Variants in RBFOX1 observed in about 807,000 individuals in gnomAD.
RBFOX1 encodes the protein RNA binding protein fox-1 homolog 1.
In RBFOX1, 8 loss-of-function variants were observed where a neutral mutation model predicts 57.7. The ratio of observed to expected loss-of-function variants is 0.14; its 90% CI spans 0.08 to 0.25. RBFOX1 has a LOEUF of 0.25. RBFOX1 is among the 10% of genes least tolerant of loss of function. RBFOX1 has a pLI of 1.00. For synonymous variants in RBFOX1, 326 were observed against 222.4 expected (o/e 1.47, Z -4.15); for missense variants, 611 against 548.5 (o/e 1.11, Z -1.14).
At chr16:7,507,028 G>T (rs1185606857) in intron 4 of RBFOX1, among the ~76,000 whole-genome samples, 2 of 152,126 alleles carry the variant, frequency 1.3e-5, no homozygotes, top group Non-Finnish European at 2.9e-5. Flanking sequence ...TCACTGTGAA[G>T]AATAATATAT....
intron 2 of RBFOX1, among the ~76,000 whole-genome samples, chr16:5,590,755 G>T (rs1047448086): frequency 1.2e-4 from 18 of 152,216 alleles, no homozygotes; most frequent in Admixed American, 1.3e-4. Flanking sequence ...ACACAGATCA[G>T]TGGGATTTGC....
In RBFOX1 at chr16:7,611,259, C is replaced by A. The variant is rs1400568041; in HGVS notation, c.676+3921C>A. ...AATTTTCTTAGTTTAGTAGACTTGT[C>A]CCTAACATTTATTTTCTCTTTTAAT... On this transcript the variant is annotated intron_variant, in intron 10 of 15. Coordinates refer to ENST00000550418, the MANE Select transcript of RBFOX1 (RefSeq NM_018723.4). 2.6e-5 allele frequency among the ~76,000 whole-genome samples: 4 copies of A among 152,134 alleles called. No individual in the cohort carries two copies. The South Asian group carries it at 8.3e-4, about 32-fold the overall frequency.
At chr16:5,900,395 A>C (rs1009120139) in intron 4 of RBFOX1, among the ~76,000 whole-genome samples, 1 of 152,168 alleles carries the variant, frequency 6.6e-6, no homozygotes, top group African/African-American at 2.4e-5. Context: ...TGCCAAAAGG[A>C]AGGGGGAAAA....
chr16:7,527,800 C>G (rs777368325), intron 5 of RBFOX1, among the ~76,000 whole-genome samples: 1 of 152,132 alleles, frequency 6.6e-6, no homozygotes, highest in Non-Finnish European at 1.5e-5. Context: ...GAAATAATTA[C>G]AGTACCCATA....
intron 3 of RBFOX1, among the ~76,000 whole-genome samples, chr16:6,892,775 CCTCT>C (rs750285832): frequency 0.038 from 3,152 of 83,674 alleles, 51 homozygotes; most frequent in Non-Finnish European, 0.051. Flanking sequence ...TCCCTGTCTC[CCTCT>C]CTCTCTCTCT....
At chr16:5,457,883 A>G (rs758831029) in intron 1 of RBFOX1, among the ~76,000 whole-genome samples, 3 of 152,172 alleles carry the variant, frequency 2.0e-5, no homozygotes, top group Non-Finnish European at 4.4e-5. Flanking sequence ...TGCCCTACAC[A>G]TAACATGCCC....
At chr16:7,059,798 C>T (rs1216789372) in intron 4 of RBFOX1, among the ~76,000 whole-genome samples, 3 of 151,986 alleles carry the variant, frequency 2.0e-5, no homozygotes, top group African/African-American at 4.8e-5. Context: ...TGTATTTGTT[C>T]CCAGGGCTGC....
At chr16:6,297,208 A>T (rs140292512) in intron 1 of RBFOX1, among the ~76,000 whole-genome samples, 29 of 152,172 alleles carry the variant, frequency 1.9e-4, no homozygotes, top group African/African-American at 6.7e-4. Flanking sequence ...TTTATCAGCA[A>T]GATCTTTATG....
chr16:5,623,695 T>C (rs1446460127), intron 3 of RBFOX1, among the ~76,000 whole-genome samples: 1 of 152,126 alleles, frequency 6.6e-6, no homozygotes, highest in Admixed American at 6.6e-5. Context: ...TCCTTCCCTT[T>C]TTCTCTCTCA....
At chr16:5,674,570 G>T (rs2151423653) in intron 3 of RBFOX1, among the ~76,000 whole-genome samples, 1 of 152,314 alleles carries the variant, frequency 6.6e-6, no homozygotes, top group South Asian at 2.1e-4. Flanking sequence ...CAGAGCCCAG[G>T]TTCTGTTTGT....
chr16:6,547,503 T>G lies in RBFOX1; in HGVS notation c.-63-107100T>G, dbSNP rs146571800. ...ATTGCTGATAACAGAACAGACAAAT[T>G]GTGGTTCTTTTTTTTGTTGTTGTTG... On this transcript the variant is annotated intron_variant, in intron 2 of 15. Coordinates refer to ENST00000550418, the MANE Select transcript of RBFOX1 (RefSeq NM_018723.4). Among the ~76,000 whole-genome samples the G allele has an allele frequency of 3.2e-4, 49 of 152,276 alleles. 1 individual carries two copies. The East Asian group carries it at 9.1e-3, about 28-fold the overall frequency.
At chr16:6,611,495 T>A (rs188665375) in intron 2 of RBFOX1, among the ~76,000 whole-genome samples, 1 of 152,264 alleles carries the variant, frequency 6.6e-6, no homozygotes, top group East Asian at 1.9e-4. Flanking sequence ...CGGAGAGGTC[T>A]CCTTGGATGC....
At chr16:6,979,565 GAGAT>G (rs1192015984) in intron 3 of RBFOX1, among the ~76,000 whole-genome samples, 20 of 152,286 alleles carry the variant, frequency 1.3e-4, no homozygotes, top group African/African-American at 4.6e-4. Flanking sequence ...TGCAAAAGAA[GAGAT>G]AGCAGGATTG....
intron 2 of RBFOX1, among the ~76,000 whole-genome samples, chr16:6,475,392 G>A (rs1403685816): frequency 6.6e-6 from 1 of 152,196 alleles, no homozygotes; most frequent in Non-Finnish European, 1.5e-5. Context: ...TTGCTTAAAG[G>A]AAGTCTGCTA....
At chr16:6,675,617 T>C (rs553405493) in intron 3 of RBFOX1, among the ~76,000 whole-genome samples, 1 of 152,276 alleles carries the variant, frequency 6.6e-6, no homozygotes, top group African/African-American at 2.4e-5. Flanking sequence ...AAAAAGAGCT[T>C]TAATAGACTC....
intron 5 of RBFOX1, among the ~76,000 whole-genome samples, chr16:7,548,140 T>A (rs1447301930): frequency 6.6e-6 from 1 of 152,176 alleles, no homozygotes; most frequent in Non-Finnish European, 1.5e-5. Context: ...GAGGAGTTAT[T>A]CACGTCATAT....
intron 4 of RBFOX1, among the ~76,000 whole-genome samples, chr16:7,464,661 G>A (rs917265885): frequency 3.0e-4 from 41 of 136,586 alleles, no homozygotes; most frequent in Non-Finnish European, 5.6e-4. Context: ...CCCCCTCCCC[G>A]CCCGAAATAC....
intron 2 of RBFOX1, among the ~76,000 whole-genome samples, chr16:6,613,018 TGTGTGTGTGTGTGTGTGTGTGTGTGA>T (rs2098088061): frequency 6.7e-6 from 1 of 148,412 alleles, no homozygotes; most frequent in Admixed American, 6.7e-5. Flanking sequence ...TGTGTGTGTG[TGTGTGTGTGTGTGTGTGTGTGTGTGA>T]GTGTGTGTGT....
At chr16:7,638,390 T>A (rs2062133400) in intron 11 of RBFOX1, among the ~76,000 whole-genome samples, 1 of 148,602 alleles carries the variant, frequency 6.7e-6, no homozygotes, top group African/African-American at 2.5e-5. Flanking sequence ...CCTGTTTAAA[T>A]CCCAAGCCGC....
Sources: allele counts gnomAD v4.1 joint callset (sites outside exome capture counted in the v4.1 genomes callset), GRCh38; gene constraint gnomAD v4.1.1; transcripts MANE v1.5; gene names NCBI Gene and HGNC (gene_info 2026-07-23, HGNC 2026-07-21).